The following DYNC2H1 variants were observed in gnomAD, a reference collection of about 807,000 sequenced individuals.
DYNC2H1 encodes the protein dynein cytoplasmic 2 heavy chain 1.
Under a neutral mutation model 570.0 loss-of-function variants are expected in DYNC2H1, and 410 were observed. The ratio of observed to expected loss-of-function variants is 0.72; its 90% CI spans 0.66 to 0.78. The LOEUF is 0.78. Among genes scored for constraint, DYNC2H1 ranks in the 30% least tolerant of loss-of-function variants. DYNC2H1 has a pLI of 0.00. For synonymous variants in DYNC2H1, 1,688 were observed against 1,677.6 expected, an observed-to-expected ratio of 1.01 and a Z score of -0.15; for missense variants, 4,865 against 5,046.4, an observed-to-expected ratio of 0.96 and a Z score of 1.09.
At chr11:103,405,971 C>T (rs1470386457) in intron 84 of DYNC2H1, 1 of 151,962 alleles carries the variant, frequency 6.6e-6, no homozygotes, top group Non-Finnish European at 1.5e-5. Context: ...CTTCAATCCG[C>T]CTTTCCCCGA....
At chr11:103,466,736 A>G (rs528730320) in intron 87 of DYNC2H1, among the ~76,000 whole-genome samples, 1 of 152,332 alleles carries the variant, frequency 6.6e-6, no homozygotes, top group Admixed American at 6.5e-5. Flanking sequence ...TCAGATTGAC[A>G]GAATTTTTAA....
intron 47 of DYNC2H1, among the ~76,000 whole-genome samples, chr11:103,196,848 A>G (rs142709310): frequency 1.0e-3 from 154 of 152,278 alleles, no homozygotes; most frequent in African/African-American, 3.4e-3. Context: ...AAGTTTTAGT[A>G]TAGTAGCCTG....
At position 103,168,623 on chromosome 11, in the gene DYNC2H1, A is replaced by G. The variant is rs1591351361; in HGVS notation, c.4763-132A>G. 3 of 935,720 alleles carry G rather than the reference A, an allele frequency of 3.2e-6. No homozygotes were observed. In the East Asian group the frequency reaches 8.1e-5, roughly 25 times the overall value. 58.0% of individuals were successfully genotyped at this position (935,720 alleles called of 1,614,324 possible). A position where few individuals can be genotyped will look rare whatever the true frequency, so the allele number is the denominator to read the frequency against. ...TTTTTTAGCTTATGTGATTTGTATT[A>G]CTATACCATTCATATGTGTCATGAA... is the stretch of plus-strand genomic sequence containing the variant. On this transcript the variant is annotated intron_variant, in intron 31 of 88. Coordinates refer to ENST00000375735, the MANE Select transcript of DYNC2H1 (RefSeq NM_001377.3).
At chr11:103,296,198 A>C (rs1866816869) in intron 75 of DYNC2H1, among the ~76,000 whole-genome samples, 1 of 152,090 alleles carries the variant, frequency 6.6e-6, no homozygotes, top group Admixed American at 6.5e-5. Context: ...GGTTTGTATG[A>C]AGGTATTTTC....
At chr11:103,312,263 C>G (rs1454941678) in intron 79 of DYNC2H1, among the ~76,000 whole-genome samples, 2 of 151,716 alleles carry the variant, frequency 1.3e-5, no homozygotes, top group Non-Finnish European at 2.9e-5. Flanking sequence ...GCCTATAAGC[C>G]CAGCTACTCT....
At chr11:103,143,078 T>A (rs946589992) in intron 17 of DYNC2H1, among the ~76,000 whole-genome samples, 190 bp from the exon 18 acceptor site, 4 of 152,202 alleles carry the variant, frequency 2.6e-5, no homozygotes, top group Non-Finnish European at 4.4e-5. Flanking sequence ...GATCACTGCA[T>A]TTGCATATTA....
At chr11:103,285,753 G>A (rs550695724) in intron 73 of DYNC2H1, among the ~76,000 whole-genome samples, 1 of 152,114 alleles carries the variant, frequency 6.6e-6, no homozygotes, top group Admixed American at 6.5e-5. Context: ...AGATATTCAA[G>A]GTAGGGATTC....
chr11:103,404,232 T>A (rs984191621), intron 84 of DYNC2H1: 1 of 151,868 alleles, frequency 6.6e-6, no homozygotes, highest in African/African-American at 2.4e-5. Context: ...TTTACTAGTA[T>A]CTTATCAAGA....
At chr11:103,187,262 A>C in intron 42 of DYNC2H1, 78 bp from the exon 43 acceptor site, 7 of 1,533,458 alleles carry the variant, frequency 4.6e-6, no homozygotes, top group Non-Finnish European at 6.2e-6. Flanking sequence ...TTTATGAGAT[A>C]GAAATTTCTT....
intron 85 of DYNC2H1, among the ~76,000 whole-genome samples, chr11:103,447,365 A>G (rs1389725729): frequency 7.4e-6 from 1 of 134,646 alleles, no homozygotes; most frequent in Non-Finnish European, 1.6e-5. Context: ...TAACTTAATA[A>G]AGTTAAACAA....
At chr11:103,188,719 AT>A in intron 44 of DYNC2H1, 71 bp downstream of exon 44, 1 of 1,182,466 alleles carries the variant, frequency 8.5e-7, no homozygotes, top group Non-Finnish European at 1.1e-6. Context: ...TATTTAAAGT[AT>A]TTATGATAAT....
At chr11:103,136,083 C>A in intron 17 of DYNC2H1, 135 bp downstream of exon 17, 1 of 678,480 alleles carries the variant, frequency 1.5e-6, no homozygotes, top group Non-Finnish European at 2.2e-6. Context: ...GAGCTGGATT[C>A]GTAGATACTT....
intron 86 of DYNC2H1, among the ~76,000 whole-genome samples, chr11:103,455,730 A>G (rs910956177): frequency 6.6e-6 from 1 of 152,130 alleles, no homozygotes; most frequent in Non-Finnish European, 1.5e-5. Flanking sequence ...TTCGCAGAAA[A>G]TTCTGCTGGA....
At position 103,323,969 on chromosome 11, in the gene DYNC2H1, T is replaced by G. The variant is rs1169070451; in HGVS notation, c.12018T>G (p.Ser4006=). The G allele has an allele frequency of 2.5e-6, 4 of 1,611,998 alleles. No homozygotes were observed. The highest frequency in any genetic ancestry group is 3.4e-6 in the Non-Finnish European group (4 of 1,179,032). ...TGCCTGCCAATATCGCTCGCTCATC[T>G]CAGCGCATGATCAGTTCTCAGGTAA... is the stretch of plus-strand genomic sequence containing the variant. ...FGLPANIARS[S]QRMISSQVIS... The change falls in exon 82 of 89, where the codon TCT becomes TCG. Residue 4006 remains serine, a synonymous_variant. Transcript: ENST00000375735.
rs180790392 is a variant in DYNC2H1 at position 103,155,333 on chromosome 11, C to G, written c.3576C>G (p.Ile1192Met). 1 of 1,587,430 alleles carries G rather than the reference C, an allele frequency of 6.3e-7. No individual in the cohort carries two copies. Among genetic ancestry groups the G allele is most frequent in the Non-Finnish European group, 8.5e-7 (1 of 1,172,256 alleles). Residue 1192 changes from isoleucine (I) to methionine (M), a missense_variant and splice_region_variant, in exon 25 of 89, where the codon ATC becomes ATG. Ile to Met is a conservative substitution (Grantham distance 10). Coordinates refer to ENST00000375735, the MANE Select transcript of DYNC2H1 (RefSeq NM_001377.3). ...TTTCTTTTTTTTTTTTGTAACAGATCGTAATTCCTATCTTGAAATATGTGA... is the reference window on the plus strand; with the variant it reads ...TTTCTTTTTTTTTTTTGTAACAGATGGTAATTCCTATCTTGAAATATGTGA... ...KLQSEVDKYK[I>M]VIPILKYVRG... is the part of the protein sequence containing the mutation.
intron 88 of DYNC2H1, among the ~76,000 whole-genome samples, chr11:103,473,865 T>C (rs1018755466): frequency 1.3e-5 from 2 of 152,204 alleles, no homozygotes; most frequent in African/African-American, 4.8e-5. Context: ...ATAGGCACAA[T>C]TGACAATTCA....
At chr11:103,300,079 A>G (rs1225646664) in intron 75 of DYNC2H1, among the ~76,000 whole-genome samples, 2 of 152,040 alleles carry the variant, frequency 1.3e-5, no homozygotes, top group East Asian at 3.9e-4. Flanking sequence ...ATGGAGGATG[A>G]GAGGAATTAA....
Position 103,254,840 on chromosome 11 carries a change from C to T in DYNC2H1, c.10207-575C>T, listed in dbSNP as rs189581231. On this transcript the variant is annotated intron_variant, in intron 66 of 88. Coordinates refer to ENST00000375735, the MANE Select transcript of DYNC2H1 (RefSeq NM_001377.3). The surrounding 1 kb of genome is among the most constrained non-coding windows in gnomAD (Gnocchi z 4.9). ...AGGCTGGAGTGCAATGGCGCAATCT[C>T]GGCTCACTGTAACTTCTGCCTCCTA... Among the ~76,000 whole-genome samples, 27 of 152,152 alleles carry T rather than the reference C, an allele frequency of 1.8e-4. No individual in the cohort carries two copies. The highest frequency in any genetic ancestry group is 6.3e-4 in the African/African-American group (26 of 41,536).
At chr11:103,306,821 G>A (rs552255610) in intron 77 of DYNC2H1, among the ~76,000 whole-genome samples, 1 of 151,942 alleles carries the variant, frequency 6.6e-6, no homozygotes, top group Non-Finnish European at 1.5e-5. Context: ...ACAAATACTT[G>A]CTGAGTACAA....
Sources: allele counts gnomAD v4.1 joint callset (sites outside exome capture counted in the v4.1 genomes callset), GRCh38; gene constraint gnomAD v4.1.1; non-coding constraint Gnocchi (gnomAD v3.1); transcripts MANE v1.5; gene names NCBI Gene and HGNC (gene_info 2026-07-23, HGNC 2026-07-21).